NCAM1: variants seen among roughly 807,000 people sequenced by gnomAD.
NCAM1 encodes neural cell adhesion molecule 1, also known as antigen recognized by monoclonal antibody 5.1H11.
A neutral mutation model predicts 109.8 loss-of-function variants in NCAM1; 14 were observed. The observed-to-expected ratio is 0.13, with a 90% CI of 0.08 to 0.20. NCAM1 has a LOEUF of 0.20. Among genes scored for constraint, NCAM1 ranks in the 10% least tolerant of loss-of-function variants. The pLI is 1.00. For synonymous variants in NCAM1, 418 were observed against 442.9 expected, an observed-to-expected ratio of 0.94 and a Z score of 0.70; for missense variants, 774 against 1,109.9, an observed-to-expected ratio of 0.70 and a Z score of 4.30.
intron 1 of NCAM1, among the ~76,000 whole-genome samples, chr11:112,989,891 A>G (rs1483915364): frequency 6.6e-6 from 1 of 152,250 alleles, no homozygotes. Context: ...AGATGCAGTC[A>G]AGATTTATCT....
chr11:113,099,022 A>G (rs1193631275), intron 1 of NCAM1, among the ~76,000 whole-genome samples: 1 of 152,246 alleles, frequency 6.6e-6, no homozygotes, highest in Admixed American at 6.5e-5. Context: ...CCTGTGGGGA[A>G]TTATTGTAAA....
intron 1 of NCAM1, among the ~76,000 whole-genome samples, chr11:113,197,511 TATCTC>T (rs1234172504): frequency 6.6e-6 from 1 of 152,216 alleles, no homozygotes; most frequent in Non-Finnish European, 1.5e-5. Context: ...AAAACTCCCT[TATCTC>T]ATCATAGTCA....
chr11:113,129,450 G>A (rs1555097906), intron 1 of NCAM1, among the ~76,000 whole-genome samples: 1 of 151,988 alleles, frequency 6.6e-6, no homozygotes, highest in Non-Finnish European at 1.5e-5. Context: ...CTATAGACAA[G>A]GACCTGTATT....
At chr11:113,183,746 C>T (rs1283662644) in intron 1 of NCAM1, among the ~76,000 whole-genome samples, 1 of 148,718 alleles carries the variant, frequency 6.7e-6, no homozygotes, top group African/African-American at 2.6e-5. Context: ...ATAATACCAA[C>T]CACTTGGAAA....
At chr11:113,157,154 C>CAT (rs1555103571) in intron 1 of NCAM1, among the ~76,000 whole-genome samples, 1 of 152,024 alleles carries the variant, frequency 6.6e-6, no homozygotes, top group African/African-American at 2.4e-5. Flanking sequence ...CACACACACA[C>CAT]ACACACACAC....
In NCAM1 at chr11:113,050,941, G is replaced by A. The variant is rs146805437; in HGVS notation, c.52+89277G>A. On this transcript the variant is annotated intron_variant, in intron 1 of 19. Coordinates refer to ENST00000316851, the MANE Select transcript of NCAM1 (RefSeq NM_181351.5). ...TACTAACCCATCTTATACGCATGCT[G>A]TAGTTTATATTGTTCAATTTGGTTC... Among the ~76,000 whole-genome samples the A allele has an allele frequency of 5.2e-3, 797 of 152,302 alleles. 2 individuals are homozygous for A. The highest frequency in any genetic ancestry group is 8.2e-3 in the Non-Finnish European group (561 of 68,032).
At chr11:113,116,796 C>G (rs1392184696) in intron 1 of NCAM1, among the ~76,000 whole-genome samples, 2 of 151,604 alleles carry the variant, frequency 1.3e-5, no homozygotes, top group Non-Finnish European at 2.9e-5. Context: ...CCTTTCTGGC[C>G]TTTTGAAAAG....
In NCAM1 at chr11:113,207,737, C is replaced by T. The variant is rs376017241; in HGVS notation, c.747-96C>T. 3.0e-5 allele frequency: 40 copies of T among 1,323,430 alleles called. 1 individual carries two copies. The African/African-American group carries it at 4.4e-4, about 15-fold the overall frequency. 82.0% of individuals were successfully genotyped at this position (1,323,430 alleles called of 1,614,324 possible). A position where few individuals can be genotyped will look rare whatever the true frequency, so the allele number is the denominator to read the frequency against. On this transcript the variant is annotated intron_variant, in intron 6 of 19. Coordinates refer to ENST00000316851, the MANE Select transcript of NCAM1 (RefSeq NM_181351.5). ...TTTGTGAAGACTGAGGAGTCTTTCC[C>T]ATTGACTCAGTCTGCATTCTATGGA...
intron 5 of NCAM1, among the ~76,000 whole-genome samples, 154 bp downstream of exon 5, chr11:113,206,334 A>G (rs1944237271): frequency 7.2e-6 from 1 of 139,686 alleles, no homozygotes; most frequent in East Asian, 2.1e-4. Context: ...TAACATCTAG[A>G]TTTCTTTTTT....
rs138096923 is a variant in NCAM1 at position 113,109,678 on chromosome 11, G to A, written c.53-92701G>A. 7.0e-4 allele frequency among the ~76,000 whole-genome samples: 107 copies of A among 152,292 alleles called. 2 individuals are homozygous for A. Among genetic ancestry groups the A allele is most frequent in the African/African-American group, 2.5e-3 (102 of 41,568 alleles). ...AGATGTATATAAATAATGAATCCAA[G>A]GTAGAAAAGAGAAAATTACTGTTTC... is the stretch of plus-strand genomic sequence containing the variant. On this transcript the variant is annotated intron_variant, in intron 1 of 19. Coordinates refer to ENST00000316851, the MANE Select transcript of NCAM1 (RefSeq NM_181351.5).
chr11:113,206,952 T>C (rs1451640026), intron 5 of NCAM1, among the ~76,000 whole-genome samples: 3 of 152,234 alleles, frequency 2.0e-5, no homozygotes, highest in African/African-American at 4.8e-5. Context: ...TTAGTATGCA[T>C]TGACTGAGAA....
intron 8 of NCAM1, among the ~76,000 whole-genome samples, chr11:113,220,580 C>T (rs1944656684): frequency 6.8e-6 from 1 of 147,968 alleles, no homozygotes. Context: ...AAGAAGGAGA[C>T]CTATTCTCTC....
intron 1 of NCAM1, among the ~76,000 whole-genome samples, chr11:113,034,157 A>G (rs1555078750): frequency 6.6e-6 from 1 of 152,178 alleles, no homozygotes; most frequent in Non-Finnish European, 1.5e-5. Context: ...ACTCACTCAC[A>G]TGTCCTGGGG....
At chr11:113,019,943 T>C (rs538415981) in intron 1 of NCAM1, among the ~76,000 whole-genome samples, 6 of 152,338 alleles carry the variant, frequency 3.9e-5, no homozygotes, top group African/African-American at 1.4e-4. Context: ...GTTCCTGTTA[T>C]TTCTGAAATT....
chr11:113,243,877 G>A (rs1417611218), intron 14 of NCAM1: 1 of 187,264 alleles, frequency 5.3e-6, no homozygotes, highest in East Asian at 1.3e-4. Flanking sequence ...GGTTCTGTGT[G>A]TTGCATGAAA....
At chr11:113,264,000 C>G (rs1198022540) in intron 17 of NCAM1, 3 of 985,298 alleles carry the variant, frequency 3.0e-6, no homozygotes, top group Non-Finnish European at 3.6e-6. Flanking sequence ...CCAGCTGCTC[C>G]TCCCTGCTGC....
intron 15 of NCAM1, among the ~76,000 whole-genome samples, chr11:113,251,666 G>T (rs770390560): frequency 1.3e-5 from 2 of 152,174 alleles, no homozygotes; most frequent in African/African-American, 4.8e-5. Flanking sequence ...AACTCCAAGG[G>T]TATAATTAAC....
At chr11:113,163,993 A>G (rs1294513065) in intron 1 of NCAM1, among the ~76,000 whole-genome samples, 1 of 152,118 alleles carries the variant, frequency 6.6e-6, no homozygotes, top group Non-Finnish European at 1.5e-5. Context: ...TGGCCACTGA[A>G]TGGGATTGCC....
chr11:113,235,334 AAC>A (rs1375041852), intron 14 of NCAM1, 170 bp downstream of exon 14: 12 of 1,353,946 alleles, frequency 8.9e-6, no homozygotes, highest in Non-Finnish European at 1.3e-5. Flanking sequence ...AGTGACAGCT[AAC>A]ACACAGTCCC....
Sources: allele counts gnomAD v4.1 joint callset (sites outside exome capture counted in the v4.1 genomes callset), GRCh38; gene constraint gnomAD v4.1.1; transcripts MANE v1.5; gene names NCBI Gene and HGNC (gene_info 2026-07-23, HGNC 2026-07-21).